CSMD1: variants seen among roughly 807,000 people sequenced by gnomAD.
CSMD1 encodes CUB and Sushi multiple domains 1.
A neutral mutation model predicts 417.5 loss-of-function variants in CSMD1; 213 were observed. That is an observed-to-expected ratio of 0.51 (90% CI 0.46 to 0.57). The LOEUF is 0.57. Among genes scored for constraint, CSMD1 ranks in the 20% least tolerant of loss-of-function variants. The pLI is 0.00. For missense variants in CSMD1, 6,923 were observed against 4,529.7 expected (o/e 1.53, Z -15.17); for synonymous variants, 2,862 against 1,736.8 (o/e 1.65, Z -16.11).
intron 11 of CSMD1, among the ~76,000 whole-genome samples, chr8:3,483,157 T>C (rs1472953444): frequency 1.3e-5 from 2 of 151,664 alleles, no homozygotes; most frequent in African/African-American, 2.4e-5. Flanking sequence ...AGATAAACAG[T>C]AGAAAAAATA....
intron 2 of CSMD1, among the ~76,000 whole-genome samples, chr8:4,440,413 T>C (rs189226648): frequency 6.6e-6 from 1 of 152,248 alleles, no homozygotes; most frequent in African/African-American, 2.4e-5. Flanking sequence ...CACACCTATA[T>C]CTAATTATCC....
At chr8:4,146,163 C>G (rs780132991) in intron 3 of CSMD1, among the ~76,000 whole-genome samples, 1 of 150,822 alleles carries the variant, frequency 6.6e-6, no homozygotes, top group Non-Finnish European at 1.5e-5. Context: ...ATAATCCAGC[C>G]TCATACTCCG....
chr8:3,889,956 G>C (rs778052271), intron 5 of CSMD1, among the ~76,000 whole-genome samples: 2 of 152,152 alleles, frequency 1.3e-5, no homozygotes, highest in Non-Finnish European at 2.9e-5. Flanking sequence ...GCTGAGGTGG[G>C]AGGATTGCTT....
In CSMD1 at chr8:4,036,878, T is replaced by C. The variant is rs1353896256; in HGVS notation, c.416-4779A>G. 2.0e-5 allele frequency among the ~76,000 whole-genome samples: 3 copies of C among 152,328 alleles called. No homozygotes were observed. In the East Asian group the frequency reaches 5.8e-4, roughly 29 times the overall value. ...TCTGCATGAGGTATGTCCAGTTTCC[T>C]CCATATCCCAAAGATGACCATGTTT... is the stretch of plus-strand genomic sequence containing the variant. On this transcript the variant is annotated intron_variant, in intron 3 of 69. Coordinates refer to ENST00000635120, the MANE Select transcript of CSMD1 (RefSeq NM_033225.6).
intron 4 of CSMD1, among the ~76,000 whole-genome samples, chr8:4,015,008 C>G (rs1334483025): frequency 6.6e-6 from 1 of 152,078 alleles, no homozygotes; most frequent in African/African-American, 2.4e-5. Context: ...ACCACGTAGA[C>G]CAGGTTTACT....
chr8:4,794,116 C>T (rs1038730538), intron 1 of CSMD1, among the ~76,000 whole-genome samples: 2 of 152,060 alleles, frequency 1.3e-5, no homozygotes, highest in African/African-American at 4.8e-5. Flanking sequence ...AAGTACTGTT[C>T]CCTCATATAA....
intron 37 of CSMD1, among the ~76,000 whole-genome samples, chr8:3,163,354 G>C (rs1045729578): frequency 5.3e-5 from 8 of 151,956 alleles, no homozygotes; most frequent in Admixed American, 2.6e-4. Context: ...TTAATTGACT[G>C]GGACTCTCAG....
intron 3 of CSMD1, among the ~76,000 whole-genome samples, chr8:4,179,249 A>T (rs575893897): frequency 6.6e-4 from 101 of 152,244 alleles, no homozygotes; most frequent in African/African-American, 2.2e-3. Context: ...AATGGAACAG[A>T]ACAGAGCCCT....
intron 3 of CSMD1, among the ~76,000 whole-genome samples, chr8:4,347,606 T>A (rs186485113): frequency 1.1e-4 from 17 of 152,312 alleles, no homozygotes; most frequent in Non-Finnish European, 1.9e-4. Context: ...ATATTGGCCA[T>A]CTGCTCTGAG....
intron 3 of CSMD1, among the ~76,000 whole-genome samples, chr8:4,263,922 ACAG>A (rs1804058348): frequency 6.6e-6 from 1 of 152,180 alleles, no homozygotes; most frequent in Non-Finnish European, 1.5e-5. Context: ...TTTTCTAAAT[ACAG>A]TGTTTTTCTA....
chr8:3,227,430 T>G (rs1449307872), intron 27 of CSMD1, among the ~76,000 whole-genome samples: 1 of 152,038 alleles, frequency 6.6e-6, no homozygotes, highest in Non-Finnish European at 1.5e-5. Context: ...GTTTTAAAAG[T>G]CCGAGAAATA....
At chr8:4,705,381 G>A (rs969863325) in intron 1 of CSMD1, among the ~76,000 whole-genome samples, 10 of 152,182 alleles carry the variant, frequency 6.6e-5, no homozygotes, top group East Asian at 3.9e-4. Context: ...ACAACCCAGC[G>A]TCTATCAAGA....
intron 26 of CSMD1, among the ~76,000 whole-genome samples, chr8:3,232,338 G>C (rs1017530196): frequency 1.3e-5 from 2 of 152,130 alleles, no homozygotes; most frequent in African/African-American, 4.8e-5. Context: ...AATACATATT[G>C]CAAGTTCTGT....
intron 5 of CSMD1, among the ~76,000 whole-genome samples, chr8:3,804,317 C>T (rs118056437): frequency 2.6e-5 from 4 of 152,118 alleles, no homozygotes; most frequent in Admixed American, 1.3e-4. Context: ...TGTGCTGAGA[C>T]CAGTTGAAAC....
intron 2 of CSMD1, among the ~76,000 whole-genome samples, chr8:4,542,591 C>A (rs760134189): frequency 1.3e-5 from 2 of 152,190 alleles, no homozygotes; most frequent in South Asian, 4.1e-4. Flanking sequence ...TTATTGCTAA[C>A]GCAATTTTTT....
chr8:3,727,101 C>A (rs867197727), intron 6 of CSMD1, among the ~76,000 whole-genome samples: 4 of 152,188 alleles, frequency 2.6e-5, no homozygotes. Context: ...ACCCAACTTA[C>A]TACTATCCCA....
intron 46 of CSMD1, among the ~76,000 whole-genome samples, chr8:3,097,486 A>G (rs1815398501): frequency 1.3e-5 from 2 of 152,156 alleles, no homozygotes; most frequent in Admixed American, 1.3e-4. Flanking sequence ...GATACATTCC[A>G]AGAGCCCTAG....
chr8:4,149,058 G>C (rs1248802116), intron 3 of CSMD1, among the ~76,000 whole-genome samples: 1 of 151,714 alleles, frequency 6.6e-6, no homozygotes, highest in African/African-American at 2.4e-5. Context: ...CCACCTCCCA[G>C]GTTCAAGCGA....
At chr8:4,112,740 T>A (rs1333535583) in intron 3 of CSMD1, among the ~76,000 whole-genome samples, 1 of 152,196 alleles carries the variant, frequency 6.6e-6, no homozygotes, top group African/African-American at 2.4e-5. Flanking sequence ...TTAAAAATAT[T>A]AAACAATATA....
Sources: gnomAD v4.1 joint callset for allele counts (sites outside exome capture counted in the v4.1 genomes callset) on GRCh38, gnomAD v4.1.1 for gene constraint, MANE v1.5 for transcripts, NCBI Gene and HGNC (gene_info 2026-07-23, HGNC 2026-07-21) for gene names.